Variants in ISM1 observed in about 807,000 individuals in gnomAD.
ISM1 encodes isthmin-1.
Under a neutral mutation model 46.3 loss-of-function variants are expected in ISM1, and 25 were observed. The observed-to-expected ratio is 0.54, with a 90% CI of 0.39 to 0.75. The LOEUF (loss-of-function observed/expected upper bound fraction) is 0.75. Among genes scored for constraint, ISM1 ranks in the 30% least tolerant of loss-of-function variants. ISM1 has a pLI of 0.00. For missense variants in ISM1, 536 were observed against 625.4 expected (o/e 0.86, Z 1.52); for synonymous variants, 255 against 256.7 (o/e 0.99, Z 0.06).
the ISM1 span, among the ~76,000 whole-genome samples, chr20:13,323,789 G>T: frequency 6.6e-6 from 1 of 152,106 alleles, no homozygotes; most frequent in Non-Finnish European, 1.5e-5. Context: ...CCAGAATTTT[G>T]AAATGAAGGC....
intron 1 of ISM1, among the ~76,000 whole-genome samples, chr20:13,261,072 A>G (rs1027724076): frequency 1.3e-5 from 2 of 152,160 alleles, no homozygotes; most frequent in Non-Finnish European, 2.9e-5. Context: ...CTAAGGCACA[A>G]GTGCTTTTCA....
downstream of ISM1, among the ~76,000 whole-genome samples, chr20:13,302,428 G>A (rs577482125): frequency 2.6e-5 from 4 of 152,276 alleles, no homozygotes; most frequent in African/African-American, 9.6e-5. Context: ...GGGCCAATGA[G>A]TGATCTTCGG....
chr20:13,316,722 A>T, the ISM1 span, among the ~76,000 whole-genome samples: 1 of 151,896 alleles, frequency 6.6e-6, no homozygotes, highest in African/African-American at 2.4e-5. Context: ...CATCTGACAA[A>T]ATTCAACACC....
At chr20:13,321,969 G>A in the ISM1 span, among the ~76,000 whole-genome samples, 18,103 of 152,094 alleles carry the variant, frequency 0.12, 1,531 homozygotes, top group Non-Finnish European at 0.18. Flanking sequence ...TGATCATAAC[G>A]ATACTGTTGC....
chr20:13,235,228 T>C (rs1392118974), intron 1 of ISM1, among the ~76,000 whole-genome samples: 1 of 152,238 alleles, frequency 6.6e-6, no homozygotes, highest in African/African-American at 2.4e-5. Context: ...CCCATTCTTT[T>C]GTGACCAGCA....
At chr20:13,301,817 G>A (rs1196001755), downstream of ISM1, among the ~76,000 whole-genome samples, 1 of 152,068 alleles carries the variant, frequency 6.6e-6, no homozygotes, top group Non-Finnish European at 1.5e-5. Context: ...GCTCAACTGG[G>A]TGATCAGGAG....
At chr20:13,237,875 G>A (rs1029887762) in intron 1 of ISM1, 1 of 152,142 alleles carries the variant, frequency 6.6e-6, no homozygotes, top group African/African-American at 2.4e-5. Flanking sequence ...AATGAATGCA[G>A]GCTGGTTTCA....
chr20:13,313,339 C>T, the ISM1 span, among the ~76,000 whole-genome samples: 1 of 152,340 alleles, frequency 6.6e-6, no homozygotes, highest in Non-Finnish European at 1.5e-5. Flanking sequence ...TGAAGTGTAA[C>T]CTAACTGGAT....
intron 3 of ISM1, among the ~76,000 whole-genome samples, chr20:13,280,450 T>G (rs1307592457): frequency 2.1e-5 from 3 of 145,308 alleles, no homozygotes; most frequent in Non-Finnish European, 4.6e-5. Context: ...TCCTGTGTTT[T>G]GGGAGTAGGA....
rs748769349 is a variant in ISM1 at position 13,270,483 on chromosome 20, T to C, written c.139-21T>C. 1.1e-5 allele frequency: 17 copies of C among 1,600,078 alleles called. No individual in the cohort carries two copies. The Admixed American group carries it at 2.9e-4, about 28-fold the overall frequency. On this transcript the variant is annotated intron_variant, in intron 1 of 5. Coordinates refer to ENST00000262487, the MANE Select transcript of ISM1 (RefSeq NM_080826.2). ...AATCATGTGTCTCCTTAACAGGTGT[T>C]TGCTTGTTTGTTTGTTTTAGAATAA...
chr20:13,299,303 G>A lies in ISM1; in HGVS notation c.1239G>A (p.Glu413=). Residue 413 remains glutamate (E), a synonymous_variant, in exon 6 of 6, where the codon GAG becomes GAA. Transcript: ENST00000262487. This position sits in a 1 kb window ranked among gnomAD's most constrained non-coding sequence, Gnocchi z 5.8. ...TCATCAGCACCGAGTTCTCCGCGGA[G>A]CTCCACTACAAGGTGGACGTCCTGC... is the stretch of plus-strand genomic sequence containing the variant. ...PNLISTEFSA[E]LHYKVDVLPW... The A allele has an allele frequency of 1.9e-6, 3 of 1,613,656 alleles. No individual in the cohort carries two copies. The highest frequency in any genetic ancestry group is 1.7e-6 in the Non-Finnish European group (2 of 1,179,734).
At chr20:13,245,115 T>G (rs983789691) in intron 1 of ISM1, 1 of 152,190 alleles carries the variant, frequency 6.6e-6, no homozygotes, top group African/African-American at 2.4e-5. Flanking sequence ...CTTCCTTCCT[T>G]CTTGTATTGG....
the ISM1 span, among the ~76,000 whole-genome samples, chr20:13,309,664 T>G: frequency 6.6e-6 from 1 of 152,180 alleles, no homozygotes; most frequent in South Asian, 2.1e-4. Flanking sequence ...TTTATCTCTG[T>G]TTGCAGATGG....
At chr20:13,222,527 G>T (rs1325667449) in intron 1 of ISM1, among the ~76,000 whole-genome samples, 1 of 152,092 alleles carries the variant, frequency 6.6e-6, no homozygotes, top group Non-Finnish European at 1.5e-5. Context: ...CTTGGTCATG[G>T]GGAAGGTGCA....
At chr20:13,322,413 T>C in the ISM1 span, among the ~76,000 whole-genome samples, 1 of 152,170 alleles carries the variant, frequency 6.6e-6, no homozygotes, top group Non-Finnish European at 1.5e-5. Context: ...CTCCAACTCT[T>C]CCACCTGCCA....
At chr20:13,259,709 T>C (rs150642309) in intron 1 of ISM1, among the ~76,000 whole-genome samples, 2 of 152,348 alleles carry the variant, frequency 1.3e-5, no homozygotes, top group East Asian at 3.9e-4. Context: ...CATTTCTATA[T>C]CTACAGAATG....
At chr20:13,322,561 T>A in the ISM1 span, among the ~76,000 whole-genome samples, 2 of 152,180 alleles carry the variant, frequency 1.3e-5, no homozygotes, top group African/African-American at 4.8e-5. Context: ...CTTAAGAAGA[T>A]TTCAAAGAGG....
the ISM1 span, among the ~76,000 whole-genome samples, chr20:13,306,473 C>T: frequency 6.7e-6 from 1 of 148,972 alleles, no homozygotes. Flanking sequence ...TTCTTTATTT[C>T]CCTCTCTACC....
At chr20:13,251,742 G>C (rs1410797789) in intron 1 of ISM1, among the ~76,000 whole-genome samples, 2 of 152,210 alleles carry the variant, frequency 1.3e-5, no homozygotes, top group East Asian at 3.8e-4. Context: ...GTTGAAAGAA[G>C]CCATTCATAA....
Sources: gnomAD v4.1 joint callset for allele counts (sites outside exome capture counted in the v4.1 genomes callset) on GRCh38, gnomAD v4.1.1 for gene constraint, Gnocchi (gnomAD v3.1) non-coding constraint, MANE v1.5 for transcripts, NCBI Gene and HGNC (gene_info 2026-07-23, HGNC 2026-07-21) for gene names.